PARD3: variants seen among roughly 807,000 people sequenced by gnomAD.
The protein encoded by PARD3 is partitioning defective 3 homolog.
Under a neutral mutation model 155.4 loss-of-function variants are expected in PARD3, and 75 were observed. That is an observed-to-expected ratio of 0.48 (90% CI 0.40 to 0.58). The LOEUF is 0.58. Among genes scored for constraint, PARD3 ranks in the 20% least tolerant of loss-of-function variants. The pLI is 0.00. For missense variants in PARD3, 1,642 were observed against 1,721.7 expected, an observed-to-expected ratio of 0.95 and a Z score of 0.82; for synonymous variants, 576 against 610.5, an observed-to-expected ratio of 0.94 and a Z score of 0.83.
intron 2 of PARD3, among the ~76,000 whole-genome samples, chr10:34,543,309 T>C (rs1011950728): frequency 6.6e-6 from 1 of 152,112 alleles, no homozygotes; most frequent in Non-Finnish European, 1.5e-5. Context: ...TTTTCTCATG[T>C]TTCTATTTAA....
intron 22 of PARD3, among the ~76,000 whole-genome samples, chr10:34,166,765 A>C (rs1202205287): frequency 6.6e-6 from 1 of 152,110 alleles, no homozygotes; most frequent in Non-Finnish European, 1.5e-5. Context: ...ACAATAGCCA[A>C]CCTATAATTC....
intron 1 of PARD3, among the ~76,000 whole-genome samples, chr10:34,779,557 C>T (rs188246782): frequency 7.5e-4 from 113 of 150,744 alleles, no homozygotes; most frequent in African/African-American, 2.7e-3. Context: ...GGAGGCAGAG[C>T]TTGCAGTGGG....
rs575359262 is a variant in PARD3 at position 34,453,154 on chromosome 10, C to T, written c.583-2706G>A. 6.7e-4 allele frequency among the ~76,000 whole-genome samples: 102 copies of T among 152,288 alleles called. 1 individual carries two copies. In the South Asian group the frequency reaches 7.5e-3, roughly 11 times the overall value. On this transcript the variant is annotated intron_variant, in intron 4 of 24. Transcript: ENST00000374788. ...ATTTCAGACAATGGTGCTTACTGTA[C>T]CACACAAACTTCTTCACCTTCATTC...
intron 2 of PARD3, among the ~76,000 whole-genome samples, chr10:34,621,778 C>T (rs1296521765): frequency 6.6e-6 from 1 of 152,180 alleles, no homozygotes; most frequent in Non-Finnish European, 1.5e-5. Flanking sequence ...GCAGATTTTA[C>T]AATTTTTTAA....
chr10:34,654,256 T>A (rs2093101562), intron 2 of PARD3, among the ~76,000 whole-genome samples: 1 of 151,470 alleles, frequency 6.6e-6, no homozygotes, highest in African/African-American at 2.4e-5. Flanking sequence ...TACAAAAAAA[T>A]GGCAAGAATA....
chr10:34,448,645 AT>A (rs79934232), intron 5 of PARD3, among the ~76,000 whole-genome samples: 1 of 150,998 alleles, frequency 6.6e-6, no homozygotes, highest in Non-Finnish European at 1.5e-5. Flanking sequence ...AAAATAAAAC[AT>A]TTTTTTTTAA....
chr10:34,690,191 A>G lies in PARD3; in HGVS notation c.222+6127T>C, dbSNP rs368353574. On this transcript the variant is annotated intron_variant, in intron 2 of 24. Transcript: ENST00000374788. ...TTTCCTGACCTCAAGTGATCTGCCC[A>G]CCTCAGCCTCCCAAAGGGCTGAGAT... Among the ~76,000 whole-genome samples the G allele has an allele frequency of 1.7e-3, 254 of 152,184 alleles. 2 individuals carry two copies. Among genetic ancestry groups the G allele is most frequent in the African/African-American group, 5.9e-3 (246 of 41,528 alleles).
chr10:34,440,896 T>C (rs936448492), intron 5 of PARD3, among the ~76,000 whole-genome samples: 3 of 151,936 alleles, frequency 2.0e-5, no homozygotes, highest in East Asian at 1.9e-4. Context: ...AATGGTATCC[T>C]TACATTTAAT....
At chr10:34,174,504 G>A (rs1220653014) in intron 22 of PARD3, among the ~76,000 whole-genome samples, 2 of 152,284 alleles carry the variant, frequency 1.3e-5, no homozygotes, top group East Asian at 3.9e-4. Context: ...GAGGGGAAGA[G>A]CATTCAAGGT....
intron 15 of PARD3, among the ~76,000 whole-genome samples, chr10:34,347,591 T>C (rs1837563533): frequency 6.6e-6 from 1 of 152,262 alleles, no homozygotes; most frequent in African/African-American, 2.4e-5. Context: ...GAATGATATG[T>C]AACTTTTGAA....
At chr10:34,311,564 G>A (rs61840259) in intron 20 of PARD3, among the ~76,000 whole-genome samples, 11,255 of 152,230 alleles carry the variant, frequency 0.074, 572 homozygotes, top group Non-Finnish European at 0.1. Context: ...TCTGTGATTC[G>A]AACACTTGGC....
intron 2 of PARD3, chr10:34,675,496 G>A (rs1462320105): frequency 6.6e-6 from 1 of 152,032 alleles, no homozygotes; most frequent in African/African-American, 2.4e-5. Flanking sequence ...AATCATCTAT[G>A]CTATAAACTG....
intron 5 of PARD3, among the ~76,000 whole-genome samples, chr10:34,447,595 G>A (rs2076815785): frequency 7.0e-6 from 1 of 141,876 alleles, no homozygotes; most frequent in Non-Finnish European, 1.5e-5. Context: ...GAGGTCAATA[G>A]ATCAAGACCA....
intron 2 of PARD3, among the ~76,000 whole-genome samples, chr10:34,682,684 T>G (rs2133354695): frequency 6.6e-6 from 1 of 152,176 alleles, no homozygotes. Context: ...ATCACGTCAC[T>G]GCACTCCAGC....
At chr10:34,340,436 T>C (rs1277367426) in intron 16 of PARD3, among the ~76,000 whole-genome samples, 5 of 152,204 alleles carry the variant, frequency 3.3e-5, no homozygotes, top group Admixed American at 3.3e-4. Context: ...TATTGTAGTC[T>C]TCCCTTCTAT....
intron 2 of PARD3, among the ~76,000 whole-genome samples, chr10:34,552,062 T>C (rs1254268196): frequency 6.6e-6 from 1 of 152,178 alleles, no homozygotes; most frequent in Non-Finnish European, 1.5e-5. Context: ...AAAAGACCTC[T>C]AATCCTATTT....
At chr10:34,502,762 AC>A (rs2080804281) in intron 3 of PARD3, among the ~76,000 whole-genome samples, 1 of 152,206 alleles carries the variant, frequency 6.6e-6, no homozygotes, top group South Asian at 2.1e-4. Flanking sequence ...CTCAAAAAAA[AC>A]AAAAACAAAA....
chr10:34,359,261 C>A lies in PARD3; in HGVS notation c.1953G>T (p.Leu651Phe). 11 of 1,613,796 alleles carry A rather than the reference C, an allele frequency of 6.8e-6. No individual in the cohort carries two copies. The highest frequency in any genetic ancestry group is 9.3e-6 in the Non-Finnish European group (11 of 1,179,768). The change falls in exon 14 of 25, where the codon TTG (leucine) becomes TTT (phenylalanine). Residue 651 changes from leucine (L) to phenylalanine (F), a missense_variant. Leu to Phe is a conservative substitution (Grantham distance 22). Coordinates refer to ENST00000374788, the MANE Select transcript of PARD3 (RefSeq NM_001184785.2). ...CCATGGCATCTTGGTTTGTCTTGCC[C>A]AACAGGGATTCTCCATTTACTGCTA... ...QLIAVNGESL[L>F]GKTNQDAMET...
chr10:34,556,429 C>G (rs2084992650), intron 2 of PARD3, among the ~76,000 whole-genome samples: 1 of 148,958 alleles, frequency 6.7e-6, no homozygotes, highest in Admixed American at 6.7e-5. Flanking sequence ...GTCGCCCAGG[C>G]TAGAGTGCAG....
Sources: gnomAD v4.1 joint callset for allele counts (sites outside exome capture counted in the v4.1 genomes callset) on GRCh38, gnomAD v4.1.1 for gene constraint, MANE v1.5 for transcripts, NCBI Gene and HGNC (gene_info 2026-07-23, HGNC 2026-07-21) for gene names.